The following VCAN variants were observed in gnomAD, a reference collection of about 807,000 sequenced individuals.
The protein encoded by VCAN is versican core protein.
VCAN carries 44 observed loss-of-function variants against 245.5 expected under a neutral mutation model. The observed-to-expected ratio is 0.18, with a 90% CI of 0.14 to 0.23. VCAN has a LOEUF of 0.23. Ranked by LOEUF, VCAN falls within the 10% of genes least tolerant of loss-of-function variation. VCAN has a pLI of 1.00. For synonymous variants in VCAN, 1,413 were observed against 1,437.0 expected (o/e 0.98, Z 0.38); for missense variants, 3,793 against 4,057.9 (o/e 0.93, Z 1.77).
At chr5:83,565,419 G>GTGTGTGTA (rs1554043052) in intron 12 of VCAN, among the ~76,000 whole-genome samples, 50 of 134,746 alleles carry the variant, frequency 3.7e-4, no homozygotes, top group Non-Finnish European at 6.5e-4. Flanking sequence ...GTGTGTGTGT[G>GTGTGTGTA]TGTGTGTATG....
At chr5:83,553,244 T>G in intron 10 of VCAN, 120 bp from the exon 11 acceptor site, 3 of 1,327,886 alleles carry the variant, frequency 2.3e-6, no homozygotes, top group Non-Finnish European at 3.2e-6. Context: ...ATTTTATGAA[T>G]CAGTTACTTC....
At chr5:83,553,574 C>CTTAGTTTTG in intron 11 of VCAN, 52 bp downstream of exon 11, 1 of 1,611,634 alleles carries the variant, frequency 6.2e-7, no homozygotes, top group East Asian at 2.2e-5. Flanking sequence ...TCATCACTCT[C>CTTAGTTTTG]TTAGTTTTGT....
intron 10 of VCAN, 110 bp from the exon 11 acceptor site, chr5:83,553,254 C>G: frequency 2.1e-6 from 3 of 1,415,750 alleles, no homozygotes; most frequent in Non-Finnish European, 3.0e-6. Flanking sequence ...TCAGTTACTT[C>G]AGGGACATTG....
chr5:83,548,233 G>A, intron 10 of VCAN, 149 bp downstream of exon 10: 1 of 713,146 alleles, frequency 1.4e-6, no homozygotes, highest in Non-Finnish European at 2.5e-6. Flanking sequence ...GAATCATAGT[G>A]TTGACTTGAT....
intron 10 of VCAN, among the ~76,000 whole-genome samples, chr5:83,552,530 A>G (rs1369106382): frequency 6.6e-6 from 1 of 152,162 alleles, no homozygotes; most frequent in Non-Finnish European, 1.5e-5. Context: ...GAATTATGTA[A>G]AAATTGGCAA....
chr5:83,502,673 G>A lies in VCAN; in HGVS notation c.748+8742G>A, dbSNP rs184245511. 2.8e-3 allele frequency among the ~76,000 whole-genome samples: 430 copies of A among 152,274 alleles called. 1 individual carries two copies. Among genetic ancestry groups the A allele is most frequent in the Middle Eastern group, 3.4e-3 (1 of 292 alleles). ...TAAGATCTTGTGTAATAACACATTT[G>A]CAAATATGCAGATGCATTTTCAAAT... is the stretch of plus-strand genomic sequence containing the variant. On this transcript the variant is annotated intron_variant, in intron 5 of 14. Coordinates refer to ENST00000265077, the MANE Select transcript of VCAN (RefSeq NM_004385.5).
intron 11 of VCAN, among the ~76,000 whole-genome samples, chr5:83,554,229 C>G (rs991346182): frequency 1.1e-4 from 16 of 152,230 alleles, no homozygotes; most frequent in Admixed American, 3.9e-4. Flanking sequence ...ACTTGAACTA[C>G]TGGCCTCAAG....
At chr5:83,526,949 A>C (rs1454511194) in intron 7 of VCAN, among the ~76,000 whole-genome samples, 1 of 152,188 alleles carries the variant, frequency 6.6e-6, no homozygotes, top group African/African-American at 2.4e-5. Flanking sequence ...AGATAGTCAA[A>C]CGAAGGTACA....
Position 83,520,375 on chromosome 5 carries a change from TA to T in VCAN, c.2071del (p.Ile691TyrfsTer4). 1 of 1,612,502 alleles carries T rather than the reference TA, an allele frequency of 6.2e-7. No individual in the cohort carries two copies. Among genetic ancestry groups the T allele is most frequent in the Non-Finnish European group, 8.5e-7 (1 of 1,179,438 alleles). Reference sequence around the variant, plus strand: ...CATAGAAGAGAAAGAACAGAAACACTAATACCAGAGATGAGAACAGATACTT... The same window carrying T: ...CATAGAAGAGAAAGAACAGAAACACTATACCAGAGATGAGAACAGATACTT... The part of the protein sequence containing the change: ...MTHRRERTET[L>X]IPEMRTDTYT... On this transcript the variant is annotated frameshift_variant, in exon 7 of 15. Coordinates refer to ENST00000265077, the MANE Select transcript of VCAN (RefSeq NM_004385.5). LOFTEE classifies it high-confidence loss of function.
chr5:83,573,438 G>A (rs1748365875), intron 13 of VCAN, among the ~76,000 whole-genome samples: 1 of 151,690 alleles, frequency 6.6e-6, no homozygotes, highest in African/African-American at 2.4e-5. Flanking sequence ...TCCTTCCTTT[G>A]TTTTATGTGA....
Position 83,488,942 on chromosome 5 carries a change from G to T in VCAN, c.71-1156G>T, listed in dbSNP as rs572130743. Among the ~76,000 whole-genome samples the T allele has an allele frequency of 3.3e-5, 5 of 152,118 alleles. No homozygotes were observed. The East Asian group carries it at 9.7e-4, about 29-fold the overall frequency. ...AGCAAGACAGTATTTTTTTCTTAAA[G>T]GATATATCTCCATAGTATCTTCTTG... is the stretch of plus-strand genomic sequence containing the variant. On this transcript the variant is annotated intron_variant, in intron 2 of 14. Transcript: ENST00000265077.
Position 83,537,348 on chromosome 5 carries a change from A to G in VCAN, c.4345A>G (p.Ser1449Gly), listed in dbSNP as rs150761332. The G allele has an allele frequency of 1.2e-5, 19 of 1,613,942 alleles. No homozygotes were observed. The highest frequency in any genetic ancestry group is 1.6e-5 in the Non-Finnish European group (19 of 1,179,966). Residue 1449 changes from serine to glycine, a missense_variant, in exon 8 of 15, where the codon AGT becomes GGT. Ser to Gly is a moderately conservative substitution (Grantham distance 56). Around this residue, in one of 5 missense-constraint regions of VCAN, gnomAD observed 3,182 missense variants for 3,250.3 expected, o/e 0.98. Coordinates refer to ENST00000265077, the MANE Select transcript of VCAN (RefSeq NM_004385.5). ...TCAGAATTTCTCGGACAGCTCTGAA[A>G]GTGATACTCATCCATTTGTAATAGC... ...PSQNFSDSSE[S>G]DTHPFVIAKT...
intron 7 of VCAN, among the ~76,000 whole-genome samples, chr5:83,529,705 A>G (rs1746445839): frequency 6.6e-6 from 1 of 152,156 alleles, no homozygotes; most frequent in Non-Finnish European, 1.5e-5. Flanking sequence ...TAATAATACT[A>G]CAACCTCACC....
At chr5:83,555,941 T>C (rs2112474017) in intron 12 of VCAN, among the ~76,000 whole-genome samples, 1 of 152,288 alleles carries the variant, frequency 6.6e-6, no homozygotes, top group African/African-American at 2.4e-5. Flanking sequence ...TTAAAGGCCT[T>C]TTTGTGTTTT....
intron 6 of VCAN, among the ~76,000 whole-genome samples, chr5:83,514,604 C>T (rs907337543): frequency 1.3e-5 from 2 of 151,834 alleles, no homozygotes; most frequent in Non-Finnish European, 2.9e-5. Context: ...GGGTTATAGG[C>T]ATGCGCCACC....
At chr5:83,519,272 G>A (rs1303793633) in intron 6 of VCAN, 77 bp from the exon 7 acceptor site, 5 of 1,484,346 alleles carry the variant, frequency 3.4e-6, no homozygotes, top group African/African-American at 2.8e-5. Context: ...AAATACTCAG[G>A]AGCACTTAAC....
rs1747010044 is a variant in VCAN, at chr5:83,541,859, A to C, written c.8856A>C (p.Lys2952Asn). 1 of 1,613,966 alleles carries C rather than the reference A, an allele frequency of 6.2e-7. No individual in the cohort carries two copies. Among genetic ancestry groups the C allele is most frequent in the Non-Finnish European group, 8.5e-7 (1 of 1,180,012 alleles). ...GEAIKMFPTIKTPEAGTVITT... is the reference protein window; with the variant it reads ...GEAIKMFPTINTPEAGTVITT... Reference sequence around the variant, plus strand: ...CAATCAAGATGTTTCCCACCATTAAAACACCTGAGGCTGGAACTGTTATTA... The same window carrying C: ...CAATCAAGATGTTTCCCACCATTAACACACCTGAGGCTGGAACTGTTATTA... Residue 2952 changes from lysine to asparagine, a missense_variant, in exon 8 of 15, where the codon AAA (lysine) becomes AAC (asparagine). Around this residue, in one of 5 missense-constraint regions of VCAN, gnomAD observed 3,182 missense variants for 3,250.3 expected, o/e 0.98. Coordinates refer to ENST00000265077, the MANE Select transcript of VCAN (RefSeq NM_004385.5).
At chr5:83,508,056 T>C (rs928549129) in intron 5 of VCAN, among the ~76,000 whole-genome samples, 3 of 152,254 alleles carry the variant, frequency 2.0e-5, no homozygotes, top group African/African-American at 7.2e-5. Flanking sequence ...GCTCTTTCCA[T>C]GTTCAGCTTA....
intron 11 of VCAN, among the ~76,000 whole-genome samples, chr5:83,553,849 A>G (rs1162147158): frequency 1.3e-5 from 2 of 152,202 alleles, no homozygotes; most frequent in Admixed American, 6.5e-5. Flanking sequence ...AATTCTTACT[A>G]TGGTTATACT....
Sources: gnomAD v4.1 joint callset for allele counts (sites outside exome capture counted in the v4.1 genomes callset) on GRCh38, gnomAD v4.1.1 for gene constraint, gnomAD v4.1.1 regional missense constraint, MANE v1.5 for transcripts, NCBI Gene and HGNC (gene_info 2026-07-23, HGNC 2026-07-21) for gene names.